GALNT13: variants seen among roughly 807,000 people sequenced by gnomAD.
GALNT13 encodes the protein polypeptide N-acetylgalactosaminyltransferase 13, also known as UDP-GalNAc:polypeptide N-acetylgalactosaminyltransferase 13.
GALNT13 carries 28 observed loss-of-function variants against 64.2 expected under a neutral mutation model. That is an observed-to-expected ratio of 0.44 (90% confidence interval 0.32 to 0.60). The LOEUF is 0.60. Among genes scored for constraint, GALNT13 ranks in the 20% least tolerant of loss-of-function variants. GALNT13 has a pLI of 0.05. For missense variants in GALNT13, 577 were observed against 669.8 expected, an observed-to-expected ratio of 0.86 and a Z score of 1.53; for synonymous variants, 214 against 224.6, an observed-to-expected ratio of 0.95 and a Z score of 0.42.
chr2:153,777,969 T>A, the GALNT13 span, among the ~76,000 whole-genome samples: 1 of 152,182 alleles, frequency 6.6e-6, no homozygotes, highest in Non-Finnish European at 1.5e-5. Flanking sequence ...CAAGGTTTTA[T>A]TGAGTGGAAG....
the GALNT13 span, among the ~76,000 whole-genome samples, chr2:153,564,782 G>A: frequency 1.3e-5 from 2 of 151,992 alleles, no homozygotes; most frequent in African/African-American, 2.4e-5. Flanking sequence ...GTCGAAAGTC[G>A]CTCTCTTCAT....
the GALNT13 span, among the ~76,000 whole-genome samples, chr2:153,698,445 A>G: frequency 4.3e-4 from 65 of 152,322 alleles, no homozygotes; most frequent in East Asian, 0.011. Context: ...TCACAATCCT[A>G]GTCTCTGACA....
the GALNT13 span, among the ~76,000 whole-genome samples, chr2:153,230,756 T>C: frequency 2.6e-5 from 4 of 152,306 alleles, no homozygotes; most frequent in Admixed American, 2.6e-4. Context: ...CCTCTTTATT[T>C]TCCCCTTCTA....
At chr2:154,317,948 T>A (rs889127461) in intron 9 of GALNT13, among the ~76,000 whole-genome samples, 11 of 146,634 alleles carry the variant, frequency 7.5e-5, no homozygotes, top group African/African-American at 1.0e-4. Context: ...AAAAAAAAAA[T>A]TATATAAGTC....
intron 9 of GALNT13, among the ~76,000 whole-genome samples, chr2:154,318,300 C>T (rs1025315121): frequency 4.6e-5 from 7 of 152,208 alleles, no homozygotes; most frequent in Non-Finnish European, 8.8e-5. Flanking sequence ...TATTCCAAAA[C>T]GCCTTAAAAA....
the GALNT13 span, among the ~76,000 whole-genome samples, chr2:153,391,621 C>A: frequency 6.6e-6 from 1 of 151,934 alleles, no homozygotes; most frequent in Admixed American, 6.6e-5. Context: ...AAAACCAAGT[C>A]CTTTATCTAA....
At chr2:153,678,087 C>A in the GALNT13 span, among the ~76,000 whole-genome samples, 3 of 150,836 alleles carry the variant, frequency 2.0e-5, no homozygotes, top group African/African-American at 2.4e-5. Context: ...ACAAAAGAAA[C>A]TCTCAACACA....
the GALNT13 span, among the ~76,000 whole-genome samples, chr2:153,083,459 T>G: frequency 6.6e-6 from 1 of 152,210 alleles, no homozygotes; most frequent in Non-Finnish European, 1.5e-5. Context: ...GGTATCGCAT[T>G]GTGGTTTTGA....
chr2:153,305,969 C>T, the GALNT13 span, among the ~76,000 whole-genome samples: 433 of 152,276 alleles, frequency 2.8e-3, 2 homozygotes, highest in African/African-American at 9.5e-3. Flanking sequence ...GGAGGGCAAA[C>T]GTTGGAATGG....
chr2:153,767,500 T>C, the GALNT13 span, among the ~76,000 whole-genome samples: 3 of 152,130 alleles, frequency 2.0e-5, no homozygotes, highest in Admixed American at 6.5e-5. Context: ...AGGAGTTATA[T>C]TTTTAGTTCT....
chr2:153,345,649 TTC>T, the GALNT13 span, among the ~76,000 whole-genome samples: 144 of 130,086 alleles, frequency 1.1e-3, 1 homozygote, highest in Middle Eastern at 3.7e-3. Context: ...CTTTCTTTCT[TTC>T]TTTCTTTCTT....
intron 4 of GALNT13, among the ~76,000 whole-genome samples, chr2:154,141,527 A>G (rs989020038): frequency 7.9e-5 from 12 of 152,126 alleles, no homozygotes; most frequent in African/African-American, 1.4e-4. Context: ...GCCTAGGTCT[A>G]TTCGGGGTCA....
chr2:153,345,425 C>T, the GALNT13 span, among the ~76,000 whole-genome samples: 5 of 151,354 alleles, frequency 3.3e-5, no homozygotes, highest in Non-Finnish European at 7.4e-5. Flanking sequence ...CTGGTTTATT[C>T]TGAATGCCTC....
At chr2:153,968,568 G>A (rs1693533965) in intron 3 of GALNT13, among the ~76,000 whole-genome samples, 1 of 152,172 alleles carries the variant, frequency 6.6e-6, no homozygotes, top group African/African-American at 2.4e-5. Context: ...TGGTTTTTAT[G>A]AATGTGCTTC....
At chr2:154,178,752 C>G (rs1176039088) in intron 4 of GALNT13, among the ~76,000 whole-genome samples, 1 of 152,150 alleles carries the variant, frequency 6.6e-6, no homozygotes, top group Non-Finnish European at 1.5e-5. Context: ...TTGCCGGCAT[C>G]ATGGTCAATG....
chr2:153,400,533 C>T, the GALNT13 span, among the ~76,000 whole-genome samples: 15 of 152,182 alleles, frequency 9.9e-5, no homozygotes, highest in East Asian at 5.8e-4. Flanking sequence ...TGGTAGAATT[C>T]GGCTGTGAAT....
At position 154,249,015 on chromosome 2, in the gene GALNT13, C is replaced by T. The variant is rs534163871; in HGVS notation, c.857+3033C>T. Among the ~76,000 whole-genome samples the T allele has an allele frequency of 3.3e-5, 5 of 152,032 alleles. No individual in the cohort carries two copies. The East Asian group carries it at 9.6e-4, about 29-fold the overall frequency. ...ATGGCTGAGTTTGAAACTCATCAAG[C>T]ATATCACCCCTGTATAACTATGCAT... On this transcript the variant is annotated intron_variant, in intron 7 of 12. Transcript: ENST00000392825.
Position 154,136,968 on chromosome 2 carries a change from CT to C in GALNT13, c.143-3368del, listed in dbSNP as rs1682990772. ...TAGATGACAAGTGGTTTTTTTTTTCCTCTGACTATGGGGAAGCATGATATTT... is the reference window on the plus strand; with the variant it reads ...TAGATGACAAGTGGTTTTTTTTTTCCCTGACTATGGGGAAGCATGATATTT... On this transcript the variant is annotated intron_variant, in intron 3 of 12. Transcript: ENST00000392825. 2.0e-5 allele frequency among the ~76,000 whole-genome samples: 3 copies of C among 150,212 alleles called. No homozygotes were observed. In the South Asian group the frequency reaches 6.3e-4, roughly 32 times the overall value.
chr2:153,641,555 T>C, the GALNT13 span, among the ~76,000 whole-genome samples: 2 of 152,286 alleles, frequency 1.3e-5, no homozygotes, highest in African/African-American at 4.8e-5. Context: ...TTTTGACTAG[T>C]TGAATTCCAT....
Sources: gnomAD v4.1 joint callset for allele counts (sites outside exome capture counted in the v4.1 genomes callset) on GRCh38, gnomAD v4.1.1 for gene constraint, MANE v1.5 for transcripts, NCBI Gene and HGNC (gene_info 2026-07-23, HGNC 2026-07-21) for gene names.